Variants in RERE observed in about 807,000 individuals in gnomAD.
RERE encodes arginine-glutamic acid dipeptide repeats protein.
A neutral mutation model predicts 146.1 loss-of-function variants in RERE; 40 were observed. That is an observed-to-expected ratio of 0.27 (90% CI 0.21 to 0.36). The LOEUF is 0.36. Ranked by LOEUF, RERE falls within the 10% of genes least tolerant of loss-of-function variation. The pLI is 1.00. For missense variants in RERE, 1,933 were observed against 2,138.7 expected (o/e 0.90, Z 1.90); for synonymous variants, 1,003 against 866.0 (o/e 1.16, Z -2.78).
At chr1:8,647,323 AGGTTCTG>A (rs1647362271) in intron 2 of RERE, among the ~76,000 whole-genome samples, 4 of 152,242 alleles carry the variant, frequency 2.6e-5, no homozygotes, top group Admixed American at 1.3e-4. Flanking sequence ...CTACAGTGCC[AGGTTCTG>A]GGAACAAACC....
intron 10 of RERE, among the ~76,000 whole-genome samples, chr1:8,472,618 A>G (rs1644703052): frequency 6.6e-6 from 1 of 152,242 alleles, no homozygotes; most frequent in South Asian, 2.1e-4. Context: ...CTGGGATTAA[A>G]TGCAATTTTA....
intron 7 of RERE, among the ~76,000 whole-genome samples, chr1:8,538,095 G>A (rs1645750427): frequency 6.6e-6 from 1 of 152,214 alleles, no homozygotes; most frequent in African/African-American, 2.4e-5. Context: ...GGAGACAACA[G>A]TCATGAAAGT....
At chr1:8,669,331 C>A (rs1212187414) in intron 1 of RERE, among the ~76,000 whole-genome samples, 1 of 152,138 alleles carries the variant, frequency 6.6e-6, no homozygotes, top group Admixed American at 6.5e-5. Context: ...TTGCCTTGCC[C>A]TCCAGCAATC....
At chr1:8,777,374 A>C (rs147110214) in intron 1 of RERE, among the ~76,000 whole-genome samples, 74 of 152,306 alleles carry the variant, frequency 4.9e-4, no homozygotes, top group East Asian at 1.3e-3. Context: ...GGGAGAAAGA[A>C]CAAAGAGAAT....
At chr1:8,676,294 A>G (rs865825534) in intron 1 of RERE, among the ~76,000 whole-genome samples, 2 of 152,178 alleles carry the variant, frequency 1.3e-5, no homozygotes, top group Non-Finnish European at 2.9e-5. Flanking sequence ...TGTCACATCA[A>G]TATGTGCCTT....
intron 1 of RERE, among the ~76,000 whole-genome samples, chr1:8,800,591 G>C (rs951617096): frequency 6.6e-6 from 1 of 152,124 alleles, no homozygotes; most frequent in Non-Finnish European, 1.5e-5. Context: ...GATCACTTGA[G>C]CCCAAGAGTT....
chr1:8,655,880 C>T (rs1003874390), intron 2 of RERE, 93 bp downstream of exon 2: 322 of 1,521,032 alleles, frequency 2.1e-4, no homozygotes, highest in Non-Finnish European at 2.7e-4. Flanking sequence ...CCAAGCCTTC[C>T]TTAAAGTGTA....
intron 1 of RERE, among the ~76,000 whole-genome samples, chr1:8,785,323 C>T (rs1455567061): frequency 2.0e-5 from 3 of 152,186 alleles, no homozygotes; most frequent in African/African-American, 7.2e-5. Context: ...AAAGTTACTA[C>T]TAAACAGGTC....
chr1:8,541,117 T>G, intron 7 of RERE, 97 bp downstream of exon 7: 1 of 611,272 alleles, frequency 1.6e-6, no homozygotes, highest in Non-Finnish European at 2.8e-6. Flanking sequence ...CTAGTGTATG[T>G]CCAGAAGCAT....
Position 8,509,930 on chromosome 1 carries a change from G to A in RERE, c.831-1255C>T, listed in dbSNP as rs577600485. On this transcript the variant is annotated intron_variant, in intron 7 of 22. Transcript: ENST00000400908. ...TAAAAATACATTTTGGAAAGCTATC[G>A]TTTCCTTTAGGGCACCTGGGCCCAG... 1.2e-4 allele frequency among the ~76,000 whole-genome samples: 19 copies of A among 152,316 alleles called. 1 individual carries two copies. The South Asian group carries it at 2.9e-3, about 23-fold the overall frequency.
At chr1:8,634,227 G>A (rs758708553) in intron 2 of RERE, among the ~76,000 whole-genome samples, 2 of 152,010 alleles carry the variant, frequency 1.3e-5, no homozygotes, top group Non-Finnish European at 2.9e-5. Flanking sequence ...CAACCTTCAG[G>A]ACCCAAATGC....
chr1:8,434,295 C>T (rs967607131), intron 11 of RERE, among the ~76,000 whole-genome samples: 1 of 152,212 alleles, frequency 6.6e-6, no homozygotes, highest in East Asian at 1.9e-4. Flanking sequence ...TGAGCAGCTG[C>T]CAGCTCAACA....
intron 2 of RERE, among the ~76,000 whole-genome samples, chr1:8,634,805 G>A (rs570558471): frequency 3.9e-5 from 6 of 152,196 alleles, no homozygotes; most frequent in African/African-American, 4.8e-5. Context: ...GCGCGATCTC[G>A]GTTCACTGCA....
intron 6 of RERE, among the ~76,000 whole-genome samples, chr1:8,542,323 G>A (rs149819155): frequency 6.2e-4 from 95 of 152,220 alleles, no homozygotes; most frequent in East Asian, 3.1e-3. Flanking sequence ...TCCAGGACGT[G>A]GCCTCCCACT....
chr1:8,572,190 GTA>G (rs1455406172), intron 4 of RERE, among the ~76,000 whole-genome samples: 1 of 152,162 alleles, frequency 6.6e-6, no homozygotes, highest in East Asian at 1.9e-4. Context: ...TTTGACAAAT[GTA>G]TAGAGTTGTG....
intron 3 of RERE, among the ~76,000 whole-genome samples, chr1:8,621,729 G>A (rs1199369677): frequency 6.6e-6 from 1 of 152,148 alleles, no homozygotes; most frequent in East Asian, 1.9e-4. Flanking sequence ...TTTGCTGGGA[G>A]CAAAATCAAA....
chr1:8,779,726 T>C (rs1341046428), intron 1 of RERE, among the ~76,000 whole-genome samples: 1 of 152,074 alleles, frequency 6.6e-6, no homozygotes, highest in Non-Finnish European at 1.5e-5. Context: ...TTCATTATCA[T>C]ATCCTCAGTG....
intron 8 of RERE, among the ~76,000 whole-genome samples, chr1:8,502,892 T>A (rs952438130): frequency 1.3e-5 from 2 of 150,880 alleles, no homozygotes; most frequent in African/African-American, 4.9e-5. Context: ...GAAGGCAGCG[T>A]GCTCGTTAAG....
chr1:8,355,599 C>A lies in RERE; in HGVS notation c.4487G>T (p.Gly1496Val). 6.4e-7 allele frequency: 1 copy of A among 1,569,692 alleles called. No individual in the cohort carries two copies. Among genetic ancestry groups the A allele is most frequent in the South Asian group, 1.2e-5 (1 of 85,560 alleles). ...EHEMLRHPVF[G>V]TPYPRDLPGA... The stretch of plus-strand genomic sequence containing the variant: ...AGGCAGGTCACGGGGGTAGGGGGTG[C>A]CTGCCGAACACAAAACAACCTGCGC... Residue 1496 changes from glycine (G) to valine (V), a missense_variant and splice_region_variant, in exon 22 of 23, where the codon GGC becomes GTC. This residue lies in a region of RERE where 133 missense variants were observed against 168.6 expected (regional missense o/e 0.79). Transcript: ENST00000400908.
Sources: allele counts gnomAD v4.1 joint callset (sites outside exome capture counted in the v4.1 genomes callset), GRCh38; gene constraint gnomAD v4.1.1; regional missense constraint gnomAD v4.1.1; transcripts MANE v1.5; gene names NCBI Gene and HGNC (gene_info 2026-07-23, HGNC 2026-07-21).